Variants in NHS observed in about 807,000 individuals in gnomAD.
NHS encodes NHS actin remodeling regulator.
Under a neutral mutation model 72.5 loss-of-function variants are expected in NHS, and 5 were observed. The observed-to-expected ratio is 0.07, with a 90% CI of 0.04 to 0.14. The LOEUF (loss-of-function observed/expected upper bound fraction) is 0.14, where lower values mean the gene tolerates loss of function less well. Ranked by LOEUF, NHS falls within the 10% of genes least tolerant of loss-of-function variation. The probability of loss-of-function intolerance (pLI) is 1.00; values close to 1 mark genes in which losing one functional copy is unlikely to be tolerated. For synonymous variants in NHS, 464 were observed against 547.7 expected (o/e 0.85, Z 2.13); for missense variants, 1,072 against 1,355.7 (o/e 0.79, Z 3.29).
At position 17,685,493 on chromosome X, in the gene NHS, A is replaced by C. The variant is rs766926450; in HGVS notation, c.566-2249A>C. On this transcript the variant is annotated intron_variant, in intron 1 of 8. Transcript: ENST00000676302. ...TTTGTATCTGTGAATTCACAGTCCC[A>C]AGCAGCAGGCAGAGTTTAGCAGCCC... Among the ~76,000 whole-genome samples, 33 of 111,808 alleles carry C rather than the reference A, an allele frequency of 3.0e-4. No individual in the cohort carries two copies. The South Asian group carries it at 0.013, about 42-fold the overall frequency.
rs750934606 is a variant in NHS, at chrX:17,433,445, G to A, written c.565+57123G>A. On this transcript the variant is annotated intron_variant, in intron 1 of 8. Coordinates refer to ENST00000676302, the MANE Select transcript of NHS (RefSeq NM_001291867.2). ...TCTTTGGTTCATAGCTGGAAATGCT[G>A]TGGTTGTCTAGTGGGGAGCTGGGCC... Among the ~76,000 whole-genome samples, 8 of 110,622 alleles carry A rather than the reference G, an allele frequency of 7.2e-5. No individual in the cohort carries two copies. In the South Asian group the frequency reaches 2.3e-3, roughly 32 times the overall value.
intron 1 of NHS, among the ~76,000 whole-genome samples, chrX:17,601,839 ACTGTGAGAGATAC>A (rs1478495186): frequency 8.9e-6 from 1 of 112,089 alleles, no homozygotes; most frequent in African/African-American, 3.2e-5. Context: ...TCTGGGAAAC[ACTGTGAGAGATAC>A]TAGCCTCTTT....
intron 1 of NHS, among the ~76,000 whole-genome samples, chrX:17,458,639 C>G (rs1380572223): frequency 1.8e-5 from 2 of 110,756 alleles, no homozygotes; most frequent in African/African-American, 6.6e-5. Context: ...ATTACAGGTG[C>G]CTGCCACCAT....
chrX:17,623,408 G>A (rs184249149), intron 1 of NHS, among the ~76,000 whole-genome samples: 217 of 111,871 alleles, frequency 1.9e-3, no homozygotes, highest in Middle Eastern at 0.014. Context: ...TTGTAGTGGT[G>A]GAGTCGTGCT....
Position 17,725,638 on chromosome X carries a change from G to T in NHS, c.1532G>T (p.Gly511Val). The change falls in exon 7 of 9, where the codon GGT becomes GTT. Residue 511 changes from glycine to valine, a missense_variant. Physicochemically the swap from Gly to Val is moderately radical, Grantham distance 109. Coordinates refer to ENST00000676302, the MANE Select transcript of NHS (RefSeq NM_001291867.2). ...AGATCTCGGAGCCTTCCCCGGGAAG[G>T]TAATAGAGGTGGGGATGCTGAGCCC... ...RTRSRSLPRE[G>V]NRGGDAEPKV... 8.3e-7 allele frequency: 1 copy of T among 1,211,622 alleles called. No homozygotes were observed. Among genetic ancestry groups the T allele is most frequent in the Non-Finnish European group, 1.1e-6 (1 of 895,550 alleles).
At chrX:17,421,600 A>ATTTTATTTTATTTTATTTT (rs1230511414) in intron 1 of NHS, among the ~76,000 whole-genome samples, 17 of 110,471 alleles carry the variant, frequency 1.5e-4, no homozygotes, top group Admixed American at 1.2e-3. Flanking sequence ...TTTTTGAGAC[A>ATTTTATTTTATTTTATTTT]GAGTCTTGCT....
chrX:17,375,591 G>A lies in NHS; in HGVS notation c.-167G>A, dbSNP rs1178106997. 2.1e-6 allele frequency: 1 copy of A among 481,612 alleles called. No individual in the cohort carries two copies. Among genetic ancestry groups the A allele is most frequent in the African/African-American group, 2.4e-5 (1 of 41,703 alleles). 39.7% of individuals were successfully genotyped at this position (481,612 alleles called of 1,213,427 possible). A position where few individuals can be genotyped will look rare whatever the true frequency, so the allele number is the denominator to read the frequency against. ...GCTGGACTGATTTGCTAGGGAGAGG[G>A]CGGGGAAGAGGAGGCAAGGTGAGCA... On this transcript the variant is annotated 5_prime_UTR_variant, in exon 1 of 9. Transcript: ENST00000676302.
intron 1 of NHS, chrX:17,635,668 G>C: frequency 9.7e-7 from 1 of 1,030,604 alleles, no homozygotes; most frequent in Middle Eastern, 2.6e-4. Context: ...AACGAAGAGG[G>C]GCTTGTGCTG....
At chrX:17,598,192 C>T (rs750633932) in intron 1 of NHS, among the ~76,000 whole-genome samples, 27 of 111,088 alleles carry the variant, frequency 2.4e-4, no homozygotes, top group Non-Finnish European at 4.5e-4. Flanking sequence ...CCTTCTTGGG[C>T]GGACTCTTTT....
At chrX:17,587,914 T>A (rs761231206) in intron 1 of NHS, among the ~76,000 whole-genome samples, 23 of 112,663 alleles carry the variant, frequency 2.0e-4, no homozygotes, top group African/African-American at 7.1e-4. Flanking sequence ...GCTAATGATC[T>A]TGTGAAAGAC....
At chrX:17,506,843 G>A in intron 1 of NHS, among the ~76,000 whole-genome samples, 1 of 111,669 alleles carries the variant, frequency 9.0e-6, no homozygotes, top group Non-Finnish European at 1.9e-5. Context: ...CAGTTGGAAA[G>A]TAGATTTTGT....
At chrX:17,570,461 C>G (rs1397542961) in intron 1 of NHS, among the ~76,000 whole-genome samples, 1 of 111,772 alleles carries the variant, frequency 8.9e-6, no homozygotes, top group Non-Finnish European at 1.9e-5. Flanking sequence ...CATGATTTGG[C>G]TCTCTGTTTG....
At chrX:17,686,621 C>T (rs2066164304) in intron 1 of NHS, among the ~76,000 whole-genome samples, 1 of 112,322 alleles carries the variant, frequency 8.9e-6, no homozygotes, top group African/African-American at 3.2e-5. Context: ...ATTCATGGTC[C>T]TCTCTGTTGG....
intron 1 of NHS, among the ~76,000 whole-genome samples, chrX:17,510,554 G>A (rs1220091095): frequency 1.8e-5 from 2 of 112,366 alleles, no homozygotes; most frequent in Admixed American, 1.9e-4. Context: ...CATGCCCAAG[G>A]TTAGCACTAT....
rs966183938 is a variant in NHS, at chrX:17,734,829, C to T, written c.*2365C>T. 1.2e-4 allele frequency: 14 copies of T among 112,139 alleles called. No individual in the cohort carries two copies. The highest frequency in any genetic ancestry group is 4.6e-4 in the African/African-American group (14 of 30,769). 9.2% of individuals were successfully genotyped at this position (112,139 alleles called of 1,213,427 possible). A position where few individuals can be genotyped will look rare whatever the true frequency, so the allele number is the denominator to read the frequency against. On this transcript the variant is annotated 3_prime_UTR_variant, in exon 9 of 9. Transcript: ENST00000676302. Reference sequence around the variant, plus strand: ...TTTCCAGTCACAGTAGGCGATCTTTCGTAATTTCATAAAAGCAGTTCGTTT... The same window carrying T: ...TTTCCAGTCACAGTAGGCGATCTTTTGTAATTTCATAAAAGCAGTTCGTTT...
At chrX:17,688,574 C>G (rs1443584625) in intron 2 of NHS, among the ~76,000 whole-genome samples, 1 of 111,392 alleles carries the variant, frequency 9.0e-6, no homozygotes, top group African/African-American at 3.3e-5. Flanking sequence ...TCTAATGCCC[C>G]CATTCTTTAG....
At chrX:17,521,797 G>A (rs1256350958) in intron 1 of NHS, among the ~76,000 whole-genome samples, 1 of 112,311 alleles carries the variant, frequency 8.9e-6, no homozygotes, top group African/African-American at 3.2e-5. Context: ...CATTCATTTT[G>A]CAAAGCCAAA....
intron 1 of NHS, among the ~76,000 whole-genome samples, chrX:17,411,765 A>G (rs1429644392): frequency 8.9e-6 from 1 of 111,993 alleles, no homozygotes; most frequent in Non-Finnish European, 1.9e-5. Context: ...CATATTCTGT[A>G]AGATTTTCCT....
intron 1 of NHS, among the ~76,000 whole-genome samples, chrX:17,507,995 T>C (rs2065067511): frequency 8.9e-6 from 1 of 111,871 alleles, no homozygotes; most frequent in African/African-American, 3.2e-5. Flanking sequence ...ATAGTAAGCC[T>C]GAGGTTGTTA....
Sources: allele counts gnomAD v4.1 joint callset (sites outside exome capture counted in the v4.1 genomes callset), GRCh38; gene constraint gnomAD v4.1.1; transcripts MANE v1.5; gene names NCBI Gene and HGNC (gene_info 2026-07-23, HGNC 2026-07-21).